Variants in ZSCAN5B observed in about 807,000 individuals in gnomAD.
ZSCAN5B encodes the protein zinc finger and SCAN domain-containing protein 5B.
Under a neutral mutation model 25.2 loss-of-function variants are expected in ZSCAN5B, and 26 were observed. The ratio of observed to expected loss-of-function variants is 1.03; its 90% CI spans 0.76 to 1.43. ZSCAN5B has a LOEUF of 1.43. Among genes scored for constraint, ZSCAN5B ranks in the 40% most tolerant of loss-of-function variants. The pLI is 0.00. For synonymous variants in ZSCAN5B, 244 were observed against 240.9 expected (o/e 1.01, Z -0.12); for missense variants, 745 against 622.1 (o/e 1.20, Z -2.10).
At position 56,192,130 on chromosome 19, in the gene ZSCAN5B, T is replaced by C. The variant is rs2032745763; in HGVS notation, c.385-77A>G. Reference sequence around the variant, plus strand: ...TCATATTTCCTGGGTCCTGCCATAATGCTCACACTTTACTGTAATTAATGT... The same window carrying C: ...TCATATTTCCTGGGTCCTGCCATAACGCTCACACTTTACTGTAATTAATGT... On this transcript the variant is annotated intron_variant, in intron 2 of 4. Coordinates refer to ENST00000586855, the Ensembl canonical transcript of ZSCAN5B. 2.3e-6 allele frequency: 3 copies of C among 1,280,962 alleles called. No individual in the cohort carries two copies. In the Admixed American group the frequency reaches 6.1e-5, roughly 26 times the overall value. 79.3% of individuals were successfully genotyped at this position (1,280,962 alleles called of 1,614,324 possible).
At chr19:56,194,759 C>A (rs1043527799) in intron 1 of ZSCAN5B, among the ~76,000 whole-genome samples, 1 of 151,916 alleles carries the variant, frequency 6.6e-6, no homozygotes, top group Non-Finnish European at 1.5e-5. Context: ...GGATTACAGG[C>A]CCCCGCCCAG....
At chr19:56,192,021 A>G in exon 3 of ZSCAN5B, 1 of 1,613,694 alleles carries the variant, frequency 6.2e-7, no homozygotes, top group Non-Finnish European at 8.5e-7. Flanking sequence ...AGTTCAGCAT[A>G]AGATATTCTT....
intron 3 of ZSCAN5B, 51 bp from the exon 4 acceptor site, chr19:56,191,038 G>A: frequency 6.2e-7 from 1 of 1,612,308 alleles, no homozygotes; most frequent in Non-Finnish European, 8.5e-7. Context: ...ACTGGTGGAA[G>A]TAGGGACATG....
At chr19:56,193,001 G>A in exon 2 of ZSCAN5B, 2 of 1,601,732 alleles carry the variant, frequency 1.2e-6, no homozygotes, top group Non-Finnish European at 1.7e-6. Flanking sequence ...TCTGACCCAG[G>A]GCTGTTGCAG....
In ZSCAN5B at chr19:56,191,899, CG is replaced by C. The variant is rs772340847; in HGVS notation, c.538del (p.Arg180AlafsTer29). On this transcript the variant is annotated frameshift_variant, in exon 3 of 5. Coordinates refer to ENST00000586855, the Ensembl canonical transcript of ZSCAN5B. LOFTEE classifies it high-confidence loss of function. ...CCTGGGCAGGATCTGCTGCTCTCGG[CG>C]GGCCTGGCCTGTCCCCGGATGCATC... 1 of 1,614,036 alleles carries C rather than the reference CG, an allele frequency of 6.2e-7. No homozygotes were observed. The highest frequency in any genetic ancestry group is 1.1e-5 in the South Asian group (1 of 91,064).
At chr19:56,189,818 A>T in exon 5 of ZSCAN5B, 1 of 1,600,094 alleles carries the variant, frequency 6.2e-7, no homozygotes, top group Non-Finnish European at 8.5e-7. Flanking sequence ...TGTGGACCTG[A>T]CTCTGGAATC....
intron 1 of ZSCAN5B, among the ~76,000 whole-genome samples, chr19:56,197,232 G>C (rs2032821777): frequency 6.6e-6 from 1 of 151,470 alleles, no homozygotes; most frequent in African/African-American, 2.4e-5. Flanking sequence ...GAGTGCAATG[G>C]CGCGACCTCG....
chr19:56,193,224 C>T (rs2032764918), intron 1 of ZSCAN5B, 45 bp from the exon 2 acceptor site: 1 of 741,634 alleles, frequency 1.3e-6, no homozygotes, highest in Admixed American at 3.1e-5. Context: ...CTTTCTACTC[C>T]ACACACCCCT....
At chr19:56,191,620 TACCC>T (rs373384910) in intron 3 of ZSCAN5B, among the ~76,000 whole-genome samples, 12 of 144,974 alleles carry the variant, frequency 8.3e-5, no homozygotes, top group South Asian at 2.3e-4. Context: ...GACCATTTCT[TACCC>T]ACCCCCCCAC....
chr19:56,189,930 G>A lies in ZSCAN5B; in HGVS notation c.1385C>T (p.Ser462Phe), dbSNP rs371249672. ...GGGACATTTGTAGGGCTTCTCTCCGGAGTGGGTGCGCTGGTGAACGTTCAG... is the reference window on the plus strand; with the variant it reads ...GGGACATTTGTAGGGCTTCTCTCCGAAGTGGGTGCGCTGGTGAACGTTCAG... Residue 462 changes from serine to phenylalanine, a missense_variant, in exon 5 of 5, where the codon TCC becomes TTC. Ser to Phe is a radical substitution (Grantham distance 155, BLOSUM62 -2). Coordinates refer to ENST00000586855, the Ensembl canonical transcript of ZSCAN5B. 64 of 1,613,914 alleles carry A rather than the reference G, an allele frequency of 4.0e-5. No individual in the cohort carries two copies. The highest frequency in any genetic ancestry group is 1.8e-4 in the Admixed American group (11 of 59,992).
At chr19:56,194,611 T>A (rs558578086) in intron 1 of ZSCAN5B, among the ~76,000 whole-genome samples, 110 of 152,004 alleles carry the variant, frequency 7.2e-4, no homozygotes, top group African/African-American at 2.6e-3. Context: ...TTTTAAAAAA[T>A]TTTATTTTTT....
intron 1 of ZSCAN5B, among the ~76,000 whole-genome samples, chr19:56,197,098 G>A (rs1263280098): frequency 6.6e-6 from 1 of 152,134 alleles, no homozygotes; most frequent in Non-Finnish European, 1.5e-5. Flanking sequence ...GGAAATGAGC[G>A]AGACCCCGTC....
At chr19:56,190,277 G>A in exon 5 of ZSCAN5B, 1 of 1,614,190 alleles carries the variant, frequency 6.2e-7, no homozygotes, top group African/African-American at 1.3e-5. Flanking sequence ...TGGCTTCTTG[G>A]CCATCTGGGT....
At chr19:56,195,675 T>C (rs2032801150) in intron 1 of ZSCAN5B, among the ~76,000 whole-genome samples, 1 of 151,848 alleles carries the variant, frequency 6.6e-6, no homozygotes. Flanking sequence ...TCCAAAACAG[T>C]GAAGCTCTGA....
chr19:56,190,995 G>A lies in ZSCAN5B; in HGVS notation c.589-8C>T, dbSNP rs763303262. On this transcript the variant is annotated splice_region_variant and splice_polypyrimidine_tract_variant and intron_variant, in intron 3 of 4. Transcript: ENST00000586855. ...TAGCAGAAAGTCCTCTCCCTGAAGAGGAAAAACCAAGAGCAATGACTGCCG... is the reference window on the plus strand; with the variant it reads ...TAGCAGAAAGTCCTCTCCCTGAAGAAGAAAAACCAAGAGCAATGACTGCCG... The A allele has an allele frequency of 1.9e-6, 3 of 1,613,678 alleles. No homozygotes were observed. Among genetic ancestry groups the A allele is most frequent in the Non-Finnish European group, 1.7e-6 (2 of 1,179,918 alleles).
exon 5 of ZSCAN5B, chr19:56,190,055 G>A (rs548863728): frequency 5.6e-6 from 9 of 1,613,836 alleles, no homozygotes; most frequent in East Asian, 2.2e-5. Flanking sequence ...ACTCGTGGGC[G>A]AACCGCTTTT....
intron 1 of ZSCAN5B, among the ~76,000 whole-genome samples, chr19:56,194,055 A>G (rs2032776338): frequency 6.6e-6 from 1 of 152,096 alleles, no homozygotes; most frequent in South Asian, 2.1e-4. Context: ...CACTTTTACT[A>G]AGAACATGCG....
chr19:56,190,726 A>T, intron 4 of ZSCAN5B, 111 bp downstream of exon 4: 7 of 1,542,038 alleles, frequency 4.5e-6, no homozygotes, highest in Non-Finnish European at 6.1e-6. Flanking sequence ...AAAGTGGAGG[A>T]GAGATTTTGG....
chr19:56,190,315 A>C, exon 5 of ZSCAN5B: 1 of 1,614,058 alleles, frequency 6.2e-7, no homozygotes, highest in South Asian at 1.1e-5. Context: ...GGGCCTGGGG[A>C]ATGAACTGGA....
Sources: gnomAD v4.1 joint callset for allele counts (sites outside exome capture counted in the v4.1 genomes callset) on GRCh38, gnomAD v4.1.1 for gene constraint, MANE v1.5 for transcripts, NCBI Gene and HGNC (gene_info 2026-07-23, HGNC 2026-07-21) for gene names.